Variants in FAAP100 observed in about 807,000 individuals in gnomAD.
The protein encoded by FAAP100 is FA core complex associated protein 100.
FAAP100 carries 46 observed loss-of-function variants against 65.8 expected under a neutral mutation model. The ratio of observed to expected loss-of-function variants is 0.70; its 90% CI spans 0.55 to 0.89. The LOEUF (loss-of-function observed/expected upper bound fraction) is 0.89. FAAP100 is among the 40% of genes least tolerant of loss of function. The probability of loss-of-function intolerance (pLI) is 0.00; values close to 1 mark genes in which losing one functional copy is unlikely to be tolerated. For missense variants in FAAP100, 1,165 were observed against 1,196.7 expected (o/e 0.97, Z 0.39); for synonymous variants, 663 against 555.1 (o/e 1.19, Z -2.73).
intron 7 of FAAP100, among the ~76,000 whole-genome samples, chr17:81,542,194 A>T (rs2033133208): frequency 4.1e-4 from 7 of 17,058 alleles, no homozygotes; most frequent in African/African-American, 1.0e-3. Context: ...AAAAAAAAAA[A>T]AAAAAAATAT....
chr17:81,545,659 G>T, intron 6 of FAAP100, 87 bp downstream of exon 6: 1 of 1,483,042 alleles, frequency 6.7e-7, no homozygotes, highest in Non-Finnish European at 9.0e-7. Context: ...CCCCACCCAG[G>T]GTGAGGGGTC....
chr17:81,547,679 C>T lies in FAAP100; in HGVS notation c.1404-1G>A, dbSNP rs1171814031. ...AACCGCCTTCTTTAGAAAAGACACT[C>T]TGCGAAGGACAGACATGACCCCCGG... On this transcript the variant is annotated splice_acceptor_variant, in intron 4 of 8. Coordinates refer to ENST00000327787, the MANE Select transcript of FAAP100 (RefSeq NM_025161.6). LOFTEE classifies it high-confidence loss of function. 6.2e-7 allele frequency: 1 copy of T among 1,609,126 alleles called. No individual in the cohort carries two copies. The highest frequency in any genetic ancestry group is 1.1e-5 in the South Asian group (1 of 91,014).
Position 81,551,971 on chromosome 17 carries a change from T to C in FAAP100, c.247A>G (p.Arg83Gly). 1 of 1,565,484 alleles carries C rather than the reference T, an allele frequency of 6.4e-7. No homozygotes were observed. Among genetic ancestry groups the C allele is most frequent in the East Asian group, 2.4e-5 (1 of 41,440 alleles). The change falls in exon 2 of 9, where the codon AGG becomes GGG. Residue 83 changes from arginine to glycine, a missense_variant. Coordinates refer to ENST00000327787, the MANE Select transcript of FAAP100 (RefSeq NM_025161.6). ...RRLLYALCARRGLYCLSLDHP... is the reference protein window; with the variant it reads ...RRLLYALCARGGLYCLSLDHP... The stretch of plus-strand genomic sequence containing the variant: ...TCCAGCGACAGGCAGTAGAGGCCCC[T>C]CCGGGCGCACAGCGCGTACAGCAAC...
At chr17:81,541,241 G>T in intron 8 of FAAP100, 68 bp downstream of exon 8, 3 of 1,483,518 alleles carry the variant, frequency 2.0e-6, no homozygotes, top group Non-Finnish European at 9.3e-7. Context: ...GTGACTAGAG[G>T]GGGGCCTGGC....
intron 4 of FAAP100, among the ~76,000 whole-genome samples, 165 bp downstream of exon 4, chr17:81,549,041 G>GAAAAAAAA (rs1163263115): frequency 3.0e-5 from 2 of 66,314 alleles, no homozygotes; most frequent in African/African-American, 1.2e-4. Flanking sequence ...CTCCGTCTCA[G>GAAAAAAAA]AAAAAAAAAA....
chr17:81,552,414 G>T, upstream of FAAP100: 1 of 1,212,430 alleles, frequency 8.2e-7, no homozygotes, highest in Non-Finnish European at 1.0e-6. Flanking sequence ...AGCCCGCTGT[G>T]CGGCGCGACC....
At chr17:81,552,928 G>GAA (rs1442660621), upstream of FAAP100, 1 of 152,598 alleles carries the variant, frequency 6.6e-6, no homozygotes, top group Non-Finnish European at 1.5e-5. Context: ...CTCCCTCCGT[G>GAA]GCTGAACACG....
intron 7 of FAAP100, among the ~76,000 whole-genome samples, chr17:81,543,642 G>A (rs2033195078): frequency 2.0e-5 from 3 of 152,212 alleles, no homozygotes; most frequent in African/African-American, 4.8e-5. Context: ...CCCAGGCCAC[G>A]GCCTCTCCAG....
intron 6 of FAAP100, among the ~76,000 whole-genome samples, chr17:81,544,660 GC>G (rs1418586357): frequency 6.6e-6 from 1 of 152,218 alleles, no homozygotes; most frequent in Non-Finnish European, 1.5e-5. Flanking sequence ...GCAAGAACAG[GC>G]CAAGAGCCAG....
rs14422 is a variant in FAAP100, at chr17:81,541,374, T to C, written c.2449A>G (p.Thr817Ala). 1,470,386 of 1,610,582 alleles carry C rather than the reference T, an allele frequency of 0.91. 671,821 individuals carry two copies. The highest frequency in any genetic ancestry group is 1 in the East Asian group (44,812 of 44,826). The change falls in exon 8 of 9, where the codon ACC (threonine) becomes GCC (alanine). Residue 817 changes from threonine (T) to alanine (A), a missense_variant. Coordinates refer to ENST00000327787, the MANE Select transcript of FAAP100 (RefSeq NM_025161.6). Reference protein sequence around the residue: ...RMQTMVTEQATQGSSAPDLRV... With the variant: ...RMQTMVTEQAAQGSSAPDLRV... ...AGATCAGGAGCGCTGGAGCCCTGGG[T>C]GGCCTGCTCTGTCACCATCGTCTGG...
intron 3 of FAAP100, 109 bp from the exon 4 acceptor site, chr17:81,549,471 G>T (rs1332316040): frequency 7.3e-7 from 1 of 1,364,492 alleles, no homozygotes; most frequent in Non-Finnish European, 9.9e-7. Context: ...GACGGCCAAG[G>T]CCAGTGTCCA....
In FAAP100 at chr17:81,550,500, C is replaced by T. The variant is rs771576578; in HGVS notation, c.994G>A (p.Gly332Arg). 39 of 1,612,588 alleles carry T rather than the reference C, an allele frequency of 2.4e-5. No homozygotes were observed. Among genetic ancestry groups the T allele is most frequent in the Middle Eastern group, 3.3e-4 (2 of 6,084 alleles). Residue 332 changes from glycine to arginine, a missense_variant, in exon 3 of 9, where the codon GGG becomes AGG. Gly to Arg is a moderately radical substitution (Grantham distance 125). Coordinates refer to ENST00000327787, the MANE Select transcript of FAAP100 (RefSeq NM_025161.6). ...TCCCGCAGCTCGGGCACCAGCTTCC[C>T]GGACTCATCCCAGCTGGCCTTGATG... is the stretch of plus-strand genomic sequence containing the variant. ...LAIKASWDES[G>R]KLVPELREYC...
At chr17:81,541,822 C>T (rs1389728211) in intron 7 of FAAP100, among the ~76,000 whole-genome samples, 7 of 152,252 alleles carry the variant, frequency 4.6e-5, no homozygotes, top group East Asian at 1.9e-4. Flanking sequence ...CACTCATTCA[C>T]GCAGCCCAGC....
At position 81,552,338 on chromosome 17, in the gene FAAP100, G is replaced by T; in HGVS notation, c.-8C>A. The T allele has an allele frequency of 7.3e-7, 1 of 1,370,354 alleles. No homozygotes were observed. Among genetic ancestry groups the T allele is most frequent in the Non-Finnish European group, 9.3e-7 (1 of 1,071,924 alleles). 84.9% of individuals were successfully genotyped at this position (1,370,354 alleles called of 1,614,324 possible). On this transcript the variant is annotated 5_prime_UTR_variant, in exon 1 of 9. Transcript: ENST00000327787. ...CGGCGCGGCGCCGGCCATCGTGCGC[G>T]CGGGCCCGTCAGAGTGAGAAGCCCC... is the stretch of plus-strand genomic sequence containing the variant.
Position 81,547,614 on chromosome 17 carries a change from T to C in FAAP100, c.1468A>G (p.Met490Val). Residue 490 changes from methionine to valine, a missense_variant, in exon 5 of 9, where the codon ATG (methionine) becomes GTG (valine). Met to Val is a conservative substitution (Grantham distance 21, BLOSUM62 1). Coordinates refer to ENST00000327787, the MANE Select transcript of FAAP100 (RefSeq NM_025161.6). ...GACAGCAGTGCACAGCTCACGTTCA[T>C]GGCCTCGTTGAGGCTTGTCAGTGCC... ...NKALTSLNEA[M>V]NVSCALLSSG... The C allele has an allele frequency of 6.2e-7, 1 of 1,613,422 alleles. No individual in the cohort carries two copies. The highest frequency in any genetic ancestry group is 8.5e-7 in the Non-Finnish European group (1 of 1,179,914).
Position 81,551,064 on chromosome 17 carries a change from C to G in FAAP100, c.430G>C (p.Val144Leu). The G allele has an allele frequency of 6.3e-7, 1 of 1,590,558 alleles. No homozygotes were observed. The highest frequency in any genetic ancestry group is 8.6e-7 in the Non-Finnish European group (1 of 1,168,850). The change falls in exon 3 of 9, where the codon GTG becomes CTG. Residue 144 changes from valine to leucine, a missense_variant. Transcript: ENST00000327787. ...TLLDSVLVTL[V>L]QGPARWKMQL... The stretch of plus-strand genomic sequence containing the variant: ...ATCTTCCATCGGGCAGGGCCCTGCA[C>G]CAGGGTGACCAGCACACTGTCCAGC...
At chr17:81,549,185 G>A (rs530493443) in intron 4 of FAAP100, 21 bp downstream of exon 4, 33 of 1,609,130 alleles carry the variant, frequency 2.1e-5, no homozygotes, top group Middle Eastern at 1.6e-4. Flanking sequence ...GCCTCTACCC[G>A]GTCCGAGCTG....
At position 81,547,581 on chromosome 17, in the gene FAAP100, T is replaced by A; in HGVS notation, c.1501A>T (p.Thr501Ser). Reference protein sequence around the residue: ...NVSCALLSSGTGPRPISCTTS... With the variant: ...NVSCALLSSGSGPRPISCTTS... ...GTGCAGGAGATGGGTCTGGGGCCCG[T>A]GCCGCTTGACAGCAGTGCACAGCTC... Residue 501 changes from threonine (T) to serine (S), a missense_variant, in exon 5 of 9, where the codon ACG (threonine) becomes TCG (serine). Physicochemically the swap from Thr to Ser is moderately conservative, Grantham distance 58. Coordinates refer to ENST00000327787, the MANE Select transcript of FAAP100 (RefSeq NM_025161.6). 1.2e-6 allele frequency: 2 copies of A among 1,613,512 alleles called. No individual in the cohort carries two copies. The highest frequency in any genetic ancestry group is 1.7e-6 in the Non-Finnish European group (2 of 1,180,020).
intron 2 of FAAP100, 38 bp downstream of exon 2, chr17:81,551,890 A>G: frequency 6.6e-7 from 1 of 1,520,320 alleles, no homozygotes; most frequent in South Asian, 1.2e-5. Flanking sequence ...CGGGGGCAGC[A>G]GGAGTGTGCG....
Sources: gnomAD v4.1 joint callset for allele counts (sites outside exome capture counted in the v4.1 genomes callset) on GRCh38, gnomAD v4.1.1 for gene constraint, MANE v1.5 for transcripts, NCBI Gene and HGNC (gene_info 2026-07-23, HGNC 2026-07-21) for gene names.